The following CPXM2 variants were observed in gnomAD, a reference collection of about 807,000 sequenced individuals.
CPXM2 encodes inactive carboxypeptidase-like protein X2.
In CPXM2, 66 loss-of-function variants were observed where a neutral mutation model predicts 86.1. The observed-to-expected ratio is 0.77, with a 90% CI of 0.63 to 0.94. The LOEUF (loss-of-function observed/expected upper bound fraction) is 0.94, where lower values mean the gene tolerates loss of function less well. Among genes scored for constraint, CPXM2 ranks in the 40% least tolerant of loss-of-function variants. The probability of loss-of-function intolerance (pLI) is 0.00; values close to 1 mark genes in which losing one functional copy is unlikely to be tolerated. For synonymous variants in CPXM2, 388 were observed against 400.2 expected (o/e 0.97, Z 0.36); for missense variants, 948 against 1,026.3 (o/e 0.92, Z 1.04).
chr10:123,935,799 A>G (rs1945710579), intron 2 of CPXM2, among the ~76,000 whole-genome samples: 2 of 151,948 alleles, frequency 1.3e-5, no homozygotes, highest in African/African-American at 4.8e-5. Flanking sequence ...CATCATCACC[A>G]CCACCACCAG....
In CPXM2 at chr10:123,918,545, C is replaced by A. The variant is rs577588968; in HGVS notation, n.174+20932G>T. Among the ~76,000 whole-genome samples, 10 of 152,350 alleles carry A rather than the reference C, an allele frequency of 6.6e-5. No homozygotes were observed. In the South Asian group the frequency reaches 2.1e-3, roughly 32 times the overall value. ...GACACTAGAACAGCTAAATCCTGAA[C>A]TGTGTGGCAGATGTTATGTGCACAG... On this transcript the variant is annotated intron_variant and non_coding_transcript_variant, in intron 2 of 19. Coordinates refer to the CPXM2 transcript ENST00000368854.
At chr10:123,789,389 A>C (rs1847150643) in intron 6 of CPXM2, among the ~76,000 whole-genome samples, 2 of 152,178 alleles carry the variant, frequency 1.3e-5, no homozygotes. Context: ...AAGTCCAGGA[A>C]ACCCTCTGGT....
chr10:123,792,627 A>G (rs1015259678), intron 6 of CPXM2, among the ~76,000 whole-genome samples: 10 of 152,344 alleles, frequency 6.6e-5, no homozygotes, highest in African/African-American at 2.2e-4. Flanking sequence ...CCAGTGTGGC[A>G]GGGCAGCAGG....
Position 123,846,361 on chromosome 10 carries a change from C to T in CPXM2, c.514-3873G>A, listed in dbSNP as rs1231305292. 7.2e-5 allele frequency among the ~76,000 whole-genome samples: 11 copies of T among 152,282 alleles called. No homozygotes were observed. The South Asian group carries it at 1.5e-3, about 20-fold the overall frequency. On this transcript the variant is annotated intron_variant, in intron 3 of 13. Transcript: ENST00000241305. ...CTCATAAGGAGCGCACAACCCAGAT[C>T]CCCTATATGCACAGTTCACAGTAGG...
chr10:123,818,872 A>G (rs1360281941), intron 4 of CPXM2, among the ~76,000 whole-genome samples: 2 of 152,190 alleles, frequency 1.3e-5, no homozygotes, highest in African/African-American at 4.8e-5. Context: ...TCCCATAGCC[A>G]GGATTCACAG....
upstream of CPXM2, among the ~76,000 whole-genome samples, chr10:123,943,456 A>T (rs1477705481): frequency 6.6e-6 from 1 of 152,164 alleles, no homozygotes; most frequent in Non-Finnish European, 1.5e-5. Flanking sequence ...CCTCAAACAA[A>T]ACCCAGAAGG....
At chr10:123,943,581 C>A (rs1235317524), upstream of CPXM2, among the ~76,000 whole-genome samples, 1 of 152,166 alleles carries the variant, frequency 6.6e-6, no homozygotes, top group East Asian at 1.9e-4. Context: ...TGCATTTCAG[C>A]CCCTGAAGTG....
chr10:123,797,913 G>C (rs1847368648), intron 6 of CPXM2, 63 bp downstream of exon 6: 1 of 1,440,578 alleles, frequency 6.9e-7, no homozygotes, highest in Admixed American at 2.4e-5. Flanking sequence ...TATTTGTCTT[G>C]GCTGGGCATC....
At chr10:123,931,011 A>T (rs1945662378) in intron 2 of CPXM2, among the ~76,000 whole-genome samples, 2 of 152,156 alleles carry the variant, frequency 1.3e-5, no homozygotes, top group Admixed American at 1.3e-4. Context: ...CTGAGTGTAC[A>T]CCCATATTCA....
chr10:123,791,567 C>T (rs896854537), intron 6 of CPXM2, among the ~76,000 whole-genome samples: 8 of 152,344 alleles, frequency 5.3e-5, no homozygotes, highest in South Asian at 2.1e-4. Context: ...CCACCTGCGA[C>T]GTCACATGGC....
chr10:123,847,188 A>T (rs765221784), intron 3 of CPXM2, among the ~76,000 whole-genome samples: 2 of 152,226 alleles, frequency 1.3e-5, no homozygotes, highest in Non-Finnish European at 2.9e-5. Context: ...TCAAGTCTAC[A>T]TCTATAAATT....
In CPXM2 at chr10:123,797,831, T is replaced by G. The variant is rs1417300046; in HGVS notation, c.889+145A>C. On this transcript the variant is annotated intron_variant, in intron 6 of 13. Coordinates refer to ENST00000241305, the MANE Select transcript of CPXM2 (RefSeq NM_198148.3). ...ATTTCCAGACTCAAGTGATTGATTCTGCCTCCTCAGCCTCCCAAAATGCTG... is the reference window on the plus strand; with the variant it reads ...ATTTCCAGACTCAAGTGATTGATTCGGCCTCCTCAGCCTCCCAAAATGCTG... 4 of 695,142 alleles carry G rather than the reference T, an allele frequency of 5.8e-6. No individual in the cohort carries two copies. In the African/African-American group the frequency reaches 7.4e-5, roughly 13 times the overall value. The allele number at this position is 695,142 out of a possible 1,614,324, so 43.1% of individuals were successfully genotyped here. A position where few individuals can be genotyped will look rare whatever the true frequency, so the allele number is the denominator to read the frequency against.
chr10:123,881,230 T>TCCCCCCCCCCCCCCCCC (rs1564811045), intron 1 of CPXM2, among the ~76,000 whole-genome samples: 1 of 66,894 alleles, frequency 1.5e-5, no homozygotes, highest in Non-Finnish European at 3.0e-5. Flanking sequence ...GGAGCACCCT[T>TCCCCCCCCCCCCCCCCC]CTCTTCCCTT....
At chr10:123,836,401 C>G (rs1848281931) in intron 4 of CPXM2, among the ~76,000 whole-genome samples, 1 of 152,084 alleles carries the variant, frequency 6.6e-6, no homozygotes, top group South Asian at 2.1e-4. Flanking sequence ...CCCCACCAGC[C>G]TTGAGTCTCA....
At position 123,891,494 on chromosome 10, in the gene CPXM2, T is replaced by C; in HGVS notation, c.166A>G (p.Thr56Ala). The C allele has an allele frequency of 6.5e-7, 1 of 1,547,754 alleles. No homozygotes were observed. The stretch of plus-strand genomic sequence containing the variant: ...CCCGCAGGCAGCGGCGGAGAGAAGG[T>C]CTCGAGCTCGGGCTCCGGGCGCGCG... The part of the protein sequence containing the change: ...YYARPEPELE[T>A]FSPPLPAGPG... The change falls in exon 1 of 14, where the codon ACC (threonine) becomes GCC (alanine). Residue 56 changes from threonine to alanine, a missense_variant. Transcript: ENST00000241305. This position sits in a 1 kb window ranked among gnomAD's most constrained non-coding sequence, Gnocchi z 5.6.
chr10:123,843,808 A>C (rs1424010097), intron 3 of CPXM2, among the ~76,000 whole-genome samples: 1 of 152,240 alleles, frequency 6.6e-6, no homozygotes, highest in East Asian at 1.9e-4. Context: ...GTACAGTGTT[A>C]GACATCTGAG....
intron 2 of CPXM2, among the ~76,000 whole-genome samples, chr10:123,877,048 G>A (rs1944999881): frequency 6.6e-6 from 1 of 152,178 alleles, no homozygotes; most frequent in Non-Finnish European, 1.5e-5. Flanking sequence ...GAGAACATGT[G>A]AGCAGAGGCT....
At chr10:123,877,881 C>T (rs976511510) in intron 2 of CPXM2, among the ~76,000 whole-genome samples, 9 of 152,216 alleles carry the variant, frequency 5.9e-5, no homozygotes, top group Non-Finnish European at 1.5e-5. Flanking sequence ...ATGACTTCTA[C>T]ATCTGAGATG....
At chr10:123,883,034 A>G (rs1344824051) in intron 1 of CPXM2, among the ~76,000 whole-genome samples, 1 of 151,836 alleles carries the variant, frequency 6.6e-6, no homozygotes, top group African/African-American at 2.4e-5. Context: ...GGCAGACTCC[A>G]CACCACGGCC....
Sources: gnomAD v4.1 joint callset for allele counts (sites outside exome capture counted in the v4.1 genomes callset) on GRCh38, gnomAD v4.1.1 for gene constraint, Gnocchi (gnomAD v3.1) non-coding constraint, MANE v1.5 for transcripts, NCBI Gene and HGNC (gene_info 2026-07-23, HGNC 2026-07-21) for gene names.